The following LONRF1 variants were observed in gnomAD, a reference collection of about 807,000 sequenced individuals.
LONRF1 encodes the protein LON peptidase N-terminal domain and ring finger 1.
LONRF1 carries 37 observed loss-of-function variants against 85.8 expected under a neutral mutation model. The ratio of observed to expected loss-of-function variants is 0.43; its 90% CI spans 0.33 to 0.57. LONRF1 has a LOEUF of 0.57. LONRF1 is among the 20% of genes least tolerant of loss of function. The probability of loss-of-function intolerance (pLI) is 0.04; values close to 1 mark genes in which losing one functional copy is unlikely to be tolerated. For missense variants in LONRF1, 1,036 were observed against 978.0 expected (o/e 1.06, Z -0.79); for synonymous variants, 517 against 390.1 (o/e 1.33, Z -3.83).
intron 11 of LONRF1, among the ~76,000 whole-genome samples, chr8:12,724,695 C>A (rs1271501154): frequency 6.6e-6 from 1 of 152,180 alleles, no homozygotes; most frequent in African/African-American, 2.4e-5. Flanking sequence ...TTTCTATAAG[C>A]TGTTTTGTTA....
chr8:12,753,313 T>A (rs955290923), intron 1 of LONRF1: 1 of 152,214 alleles, frequency 6.6e-6, no homozygotes, highest in African/African-American at 2.4e-5. Flanking sequence ...CGAAAGATGA[T>A]CCTTTCAGTT....
At position 12,737,111 on chromosome 8, in the gene LONRF1, C is replaced by A; in HGVS notation, c.1143G>T (p.Glu381Asp). Residue 381 changes from glutamate (E) to aspartate (D), a missense_variant, in exon 5 of 12, where the codon GAG (glutamate) becomes GAT (aspartate). By Grantham distance (45) the Glu-to-Asp change is conservative. Around this residue, in one of 3 missense-constraint regions of LONRF1, gnomAD observed 742 missense variants for 614.4 expected, o/e 1.21. Transcript: ENST00000398246. ...QSEEIPEVTS[E>D]PVKGSLNRAQ... ...CACGGTTTAAGCTTCCTTTGACAGG[C>A]TCTGAAGTGACCTCTGGTATTTCTT... is the stretch of plus-strand genomic sequence containing the variant. The A allele has an allele frequency of 6.2e-7, 1 of 1,613,052 alleles. No individual in the cohort carries two copies. The highest frequency in any genetic ancestry group is 8.5e-7 in the Non-Finnish European group (1 of 1,179,498).
rs775492324 is a variant in LONRF1 at position 12,737,123 on chromosome 8, C to A, written c.1131G>T (p.Glu377Asp). The A allele has an allele frequency of 1.2e-6, 2 of 1,611,958 alleles. No homozygotes were observed. Among genetic ancestry groups the A allele is most frequent in the Admixed American group, 3.4e-5 (2 of 59,624 alleles). ...TTCCTTTGACAGGCTCTGAAGTGACCTCTGGTATTTCTTCACTCTACAAAA... is the reference window on the plus strand; with the variant it reads ...TTCCTTTGACAGGCTCTGAAGTGACATCTGGTATTTCTTCACTCTACAAAA... ...PSPKQSEEIP[E>D]VTSEPVKGSL... The change falls in exon 5 of 12, where the codon GAG (glutamate) becomes GAT (aspartate). Residue 377 changes from glutamate to aspartate, a missense_variant. Coordinates refer to ENST00000398246, the MANE Select transcript of LONRF1 (RefSeq NM_152271.5).
rs1805923660 is a variant in LONRF1, at chr8:12,722,329, T to G, written c.*767A>C. 6.6e-6 allele frequency: 1 copy of G among 152,660 alleles called. No individual in the cohort carries two copies. Among genetic ancestry groups the G allele is most frequent in the African/African-American group, 2.4e-5 (1 of 41,452 alleles). 9.5% of individuals were successfully genotyped at this position (152,660 alleles called of 1,614,324 possible). A position where few individuals can be genotyped will look rare whatever the true frequency, so the allele number is the denominator to read the frequency against. On this transcript the variant is annotated 3_prime_UTR_variant, in exon 12 of 12. Transcript: ENST00000398246. ...ACTGGTACTGAATTGAGTTCTCCCT[T>G]TACCTTTATGTACAATTAAATGTAA... is the stretch of plus-strand genomic sequence containing the variant.
chr8:12,745,704 T>G (rs1468414549), intron 1 of LONRF1, among the ~76,000 whole-genome samples: 1 of 152,218 alleles, frequency 6.6e-6, no homozygotes, highest in Admixed American at 6.5e-5. Flanking sequence ...ATTATGTATT[T>G]TCCATTTTTG....
intron 1 of LONRF1, 144 bp from the exon 2 acceptor site, chr8:12,743,426 T>G (rs370407189): frequency 5.1e-6 from 3 of 588,666 alleles, no homozygotes; most frequent in African/African-American, 3.8e-5. Context: ...CCAAAGGCAG[T>G]ATAGGCACAA....
At chr8:12,727,197 C>T (rs1798345078) in intron 10 of LONRF1, 1 of 139,978 alleles carries the variant, frequency 7.1e-6, no homozygotes, top group Non-Finnish European at 1.5e-5. Flanking sequence ...CTCTGGTAAA[C>T]AAGGAATGAT....
chr8:12,751,030 GAAACCA>G (rs1799363246), intron 1 of LONRF1, among the ~76,000 whole-genome samples: 1 of 152,110 alleles, frequency 6.6e-6, no homozygotes, highest in South Asian at 2.1e-4. Context: ...TTCAGATAAG[GAAACCA>G]AAACACAGAT....
chr8:12,736,057 C>T (rs1027844691), intron 6 of LONRF1, among the ~76,000 whole-genome samples: 91 of 152,038 alleles, frequency 6.0e-4, no homozygotes, highest in African/African-American at 2.1e-3. Context: ...TAGTATAATC[C>T]CCTCACTTCA....
At chr8:12,740,775 A>C (rs1010998780) in intron 3 of LONRF1, 99 bp downstream of exon 3, 48 of 1,397,922 alleles carry the variant, frequency 3.4e-5, no homozygotes, top group Non-Finnish European at 4.6e-5. Flanking sequence ...AGATTTATTT[A>C]CTACTTATGT....
intron 10 of LONRF1, chr8:12,727,319 A>G (rs1352706740): frequency 6.7e-6 from 1 of 149,078 alleles, no homozygotes; most frequent in African/African-American, 2.4e-5. Flanking sequence ...GCAAGCTTTT[A>G]AAGTCAAGGA....
chr8:12,744,681 A>T (rs1212887393), intron 1 of LONRF1, among the ~76,000 whole-genome samples: 1 of 152,212 alleles, frequency 6.6e-6, no homozygotes, highest in Non-Finnish European at 1.5e-5. Context: ...AGAGCAGCGT[A>T]TGGCAAAATA....
In LONRF1 at chr8:12,755,525, A is replaced by T. The variant is rs914047199; in HGVS notation, c.-105T>A. ...GCGAGCAGGGGGGCGTGGCGCGCGG[A>T]CACGGCGGGGCTGCGCGCGCCCGGG... On this transcript the variant is annotated 5_prime_UTR_variant, in exon 1 of 12. Coordinates refer to ENST00000398246, the MANE Select transcript of LONRF1 (RefSeq NM_152271.5). 6.3e-5 allele frequency: 30 copies of T among 477,122 alleles called. No homozygotes were observed. Among genetic ancestry groups the T allele is most frequent in the Non-Finnish European group, 1.6e-5 (6 of 368,770 alleles). 29.6% of individuals were successfully genotyped at this position (477,122 alleles called of 1,614,324 possible). A position where few individuals can be genotyped will look rare whatever the true frequency, so the allele number is the denominator to read the frequency against.
Position 12,754,944 on chromosome 8 carries a change from C to A in LONRF1, c.477G>T (p.Arg159=). ...TGGCGGTGGCGGGCGGCAGCCGGTC[C>A]CGGCAGAGGCGGCAGCGGGCGCGGA... ...RELRARCRLC[R]DRLPPATASA... is the part of the protein sequence containing the mutation. The change falls in exon 1 of 12, where the codon CGG becomes CGT. Residue 159 remains arginine (R), a synonymous_variant. Coordinates refer to ENST00000398246, the MANE Select transcript of LONRF1 (RefSeq NM_152271.5). 6.7e-7 allele frequency: 1 copy of A among 1,489,460 alleles called. No homozygotes were observed. Among genetic ancestry groups the A allele is most frequent in the Non-Finnish European group, 8.9e-7 (1 of 1,124,452 alleles). The allele number at this position is 1,489,460 out of a possible 1,614,324, so 92.3% of individuals were successfully genotyped here.
rs1799580119 is a variant in LONRF1, at chr8:12,754,993, C to T, written c.428G>A (p.Cys143Tyr). Residue 143 changes from cysteine (C) to tyrosine (Y), a missense_variant, in exon 1 of 12, where the codon TGC becomes TAC. Around this residue, in one of 3 missense-constraint regions of LONRF1, gnomAD observed 742 missense variants for 614.4 expected, o/e 1.21. Transcript: ENST00000398246. ...GAGTTCCCTCCGCAGGCAGCGGCGG[C>T]AGTAGCTGTGGCCACAGGGCACGGT... ...PVTVPCGHSY[C>Y]RRCLRRELRA... 1 of 1,492,334 alleles carries T rather than the reference C, an allele frequency of 6.7e-7. No homozygotes were observed. The highest frequency in any genetic ancestry group is 1.5e-5 in the African/African-American group (1 of 68,770). The allele number at this position is 1,492,334 out of a possible 1,614,324, so 92.4% of individuals were successfully genotyped here. A position where few individuals can be genotyped will look rare whatever the true frequency, so the allele number is the denominator to read the frequency against.
chr8:12,746,835 C>G (rs1374683236), intron 1 of LONRF1, among the ~76,000 whole-genome samples: 1 of 152,134 alleles, frequency 6.6e-6, no homozygotes, highest in Non-Finnish European at 1.5e-5. Context: ...AGCTGTTTAC[C>G]TCCATGCTAT....
chr8:12,742,215 G>A (rs1031067214), intron 2 of LONRF1, among the ~76,000 whole-genome samples: 3 of 152,244 alleles, frequency 2.0e-5, no homozygotes, highest in East Asian at 1.9e-4. Context: ...ATGAGATTTC[G>A]TATCATTTCT....
chr8:12,732,166 C>T (rs1469681269), intron 7 of LONRF1, among the ~76,000 whole-genome samples: 1 of 152,210 alleles, frequency 6.6e-6, no homozygotes, highest in African/African-American at 2.4e-5. Flanking sequence ...ACAACAGAGG[C>T]CCTTTTCCAC....
rs376115156 is a variant in LONRF1 at position 12,723,147 on chromosome 8, C to T, written c.2271G>A (p.Leu757=). The change falls in exon 12 of 12, where the codon TTG becomes TTA. Residue 757 remains leucine, a synonymous_variant. Coordinates refer to ENST00000398246, the MANE Select transcript of LONRF1 (RefSeq NM_152271.5). ...VLSMKSLKER[L]TKIQHILTYF... ...AGGTCAGTATATGCTGTATCTTGGT[C>T]AACCGTTCTTTCAAAGACTTCATTG... 1.2e-4 allele frequency: 188 copies of T among 1,613,946 alleles called. No homozygotes were observed. Among genetic ancestry groups the T allele is most frequent in the Non-Finnish European group, 1.5e-4 (176 of 1,179,988 alleles).
Sources: gnomAD v4.1 joint callset for allele counts (sites outside exome capture counted in the v4.1 genomes callset) on GRCh38, gnomAD v4.1.1 for gene constraint, gnomAD v4.1.1 regional missense constraint, MANE v1.5 for transcripts, NCBI Gene and HGNC (gene_info 2026-07-23, HGNC 2026-07-21) for gene names.